IKBIP: variants seen among roughly 807,000 people sequenced by gnomAD.
The protein encoded by IKBIP is IKBKB interacting protein, also known as inhibitor of nuclear factor kappa-B kinase-interacting protein.
A neutral mutation model predicts 31.0 loss-of-function variants in IKBIP; 28 were observed. The observed-to-expected ratio is 0.90, with a 90% confidence interval of 0.67 to 1.24. The LOEUF (loss-of-function observed/expected upper bound fraction) is 1.24, where lower values mean the gene tolerates loss of function less well. Ranked by LOEUF, IKBIP falls within the 50% of genes most tolerant of loss-of-function variation. The pLI is 0.00. For missense variants in IKBIP, 453 were observed against 441.9 expected, an observed-to-expected ratio of 1.03 and a Z score of -0.23; for synonymous variants, 164 against 160.3, an observed-to-expected ratio of 1.02 and a Z score of -0.17.
chr12:98,620,783 C>T (rs536694032), downstream of IKBIP, among the ~76,000 whole-genome samples: 79 of 149,532 alleles, frequency 5.3e-4, no homozygotes, highest in Non-Finnish European at 6.2e-4. Context: ...AGGCCAAGGA[C>T]GGAGGATCCG....
At chr12:98,620,831 G>A (rs1470604705), downstream of IKBIP, among the ~76,000 whole-genome samples, 2 of 152,026 alleles carry the variant, frequency 1.3e-5, no homozygotes, top group Non-Finnish European at 2.9e-5. Flanking sequence ...GGGCAACATA[G>A]AGAGACCCTC....
chr12:98,614,697 C>G (rs999654041), intron 2 of IKBIP, among the ~76,000 whole-genome samples: 1 of 152,150 alleles, frequency 6.6e-6, no homozygotes, highest in Non-Finnish European at 1.5e-5. Context: ...AAATCCATGC[C>G]TGGGATTACA....
chr12:98,629,572 T>C (rs957826248), intron 2 of IKBIP, among the ~76,000 whole-genome samples: 3 of 151,644 alleles, frequency 2.0e-5, no homozygotes, highest in East Asian at 1.9e-4. Context: ...CATACATACA[T>C]ACACACACAC....
chr12:98,633,674 C>A (rs184744520), intron 2 of IKBIP, among the ~76,000 whole-genome samples: 1 of 151,848 alleles, frequency 6.6e-6, no homozygotes, highest in African/African-American at 2.4e-5. Flanking sequence ...GTGCACCACG[C>A]CCAGCTAATT....
rs1593005821 is a variant in IKBIP at position 98,644,784 on chromosome 12, A to T, written c.-83T>A. The T allele has an allele frequency of 8.7e-6, 13 of 1,486,170 alleles. No homozygotes were observed. The East Asian group carries it at 3.1e-4, about 35-fold the overall frequency. 92.1% of individuals were successfully genotyped at this position (1,486,170 alleles called of 1,614,324 possible). A position where few individuals can be genotyped will look rare whatever the true frequency, so the allele number is the denominator to read the frequency against. ...CGTGGCCGCCTTGGCGTTCGTGGGA[A>T]CCCTGGGCGGTGACCGCGCCCCCTC... On this transcript the variant is annotated 5_prime_UTR_variant, in exon 1 of 3. Transcript: ENST00000299157.
rs76233615 is a variant in IKBIP at position 98,617,899 on chromosome 12, A to G, written c.298-3559T>C. ...TTTTCTAGGAAAGTACTATGTTGTA[A>G]AGTAGGAAATTATAACTTTCTATTA... is the stretch of plus-strand genomic sequence containing the variant. On this transcript the variant is annotated intron_variant, in intron 2 of 2. Coordinates refer to the IKBIP transcript ENST00000342502. 7.9e-3 allele frequency among the ~76,000 whole-genome samples: 1,200 copies of G among 152,300 alleles called. 23 individuals carry two copies. The highest frequency in any genetic ancestry group is 0.027 in the African/African-American group (1,132 of 41,556).
chr12:98,632,525 A>ATG (rs1475565132), intron 2 of IKBIP, among the ~76,000 whole-genome samples: 2 of 70,920 alleles, frequency 2.8e-5, no homozygotes, highest in Non-Finnish European at 5.7e-5. Flanking sequence ...ATATATATAT[A>ATG]TATATATATA....
rs1057468596 is a variant in IKBIP, at chr12:98,644,659, C to A, written c.43G>T (p.Ala15Ser). 3 of 1,611,032 alleles carry A rather than the reference C, an allele frequency of 1.9e-6. No homozygotes were observed. Among genetic ancestry groups the A allele is most frequent in the African/African-American group, 1.3e-5 (1 of 74,688 alleles). The change falls in exon 1 of 3, where the codon GCC becomes TCC. Residue 15 changes from alanine to serine, a missense_variant. Coordinates refer to ENST00000299157, the MANE Select transcript of IKBIP (RefSeq NM_153687.4). ...CGCTTCCCGGGCTCCGCAGCAGGGG[C>A]TCCCTTGGGCCCCGACTTCTTCCGG... ...KSRKKSGPKG[A>S]PAAEPGKRSE...
In IKBIP at chr12:98,624,778, T is replaced by C; in HGVS notation, c.*1152A>G. On this transcript the variant is annotated 3_prime_UTR_variant, in exon 3 of 3. Transcript: ENST00000299157. ...TTATCAGAGTTATGTTACTTTTCCC[T>C]CAAAACAGGCCACAGGCTTATTTTT... 1.1e-6 allele frequency: 1 copy of C among 875,190 alleles called. No individual in the cohort carries two copies. Among genetic ancestry groups the C allele is most frequent in the Non-Finnish European group, 1.4e-6 (1 of 729,698 alleles). 54.2% of individuals were successfully genotyped at this position (875,190 alleles called of 1,614,324 possible). A position where few individuals can be genotyped will look rare whatever the true frequency, so the allele number is the denominator to read the frequency against.
At chr12:98,628,359 C>G (rs76535310) in intron 2 of IKBIP, among the ~76,000 whole-genome samples, 9 of 152,232 alleles carry the variant, frequency 5.9e-5, no homozygotes, top group Non-Finnish European at 1.0e-4. Context: ...TACTACTAGA[C>G]TAAGCTTTTA....
At chr12:98,619,379 C>T (rs2097608303), downstream of IKBIP, among the ~76,000 whole-genome samples, 1 of 149,404 alleles carries the variant, frequency 6.7e-6, no homozygotes, top group Admixed American at 6.7e-5. Flanking sequence ...TTAGCTTATT[C>T]TTAGAAGGAT....
chr12:98,641,242 T>C (rs938955355), intron 1 of IKBIP, among the ~76,000 whole-genome samples: 2 of 152,100 alleles, frequency 1.3e-5, no homozygotes, highest in Non-Finnish European at 2.9e-5. Context: ...CTTAATCAGA[T>C]GAAGAGTGAG....
intron 2 of IKBIP, among the ~76,000 whole-genome samples, chr12:98,617,141 T>C (rs1056117346): frequency 6.6e-6 from 1 of 152,238 alleles, no homozygotes; most frequent in African/African-American, 2.4e-5. Flanking sequence ...TTGTTAGGCA[T>C]GCAAAATATG....
At chr12:98,630,332 C>G (rs2097618765) in intron 2 of IKBIP, among the ~76,000 whole-genome samples, 1 of 124,078 alleles carries the variant, frequency 8.1e-6, no homozygotes, top group Admixed American at 1.1e-4. Flanking sequence ...TTGCAGTGAC[C>G]AGATCTCCCC....
In IKBIP at chr12:98,613,986, G is replaced by GA. The variant is rs1258591630; in HGVS notation, c.651dup (p.Leu218SerfsTer6). The GA allele has an allele frequency of 3.1e-6, 5 of 1,611,050 alleles. No homozygotes were observed. Among genetic ancestry groups the GA allele is most frequent in the Non-Finnish European group, 4.2e-6 (5 of 1,178,996 alleles). On this transcript the variant is annotated frameshift_variant, in exon 3 of 3. Coordinates refer to the IKBIP transcript ENST00000342502. LOFTEE classifies it high-confidence loss of function. ...GCTGTTCGATCAATACTGCTTGAAA[G>GA]AAGATCACCTATATTTTTTACTGTA...
chr12:98,613,676 A>T (rs2097604539), exon 3 of IKBIP: 1 of 1,603,170 alleles, frequency 6.2e-7, no homozygotes, highest in African/African-American at 1.3e-5. Flanking sequence ...TTCACTTAAG[A>T]AAGCAATTTC....
At chr12:98,614,362 C>T in intron 2 of IKBIP, 2 of 1,313,796 alleles carry the variant, frequency 1.5e-6, no homozygotes, top group African/African-American at 1.5e-5. Flanking sequence ...TATAATATCA[C>T]AATGATTAAA....
Position 98,626,633 on chromosome 12 carries a change from CT to C in IKBIP, c.430del (p.Arg144GlyfsTer20). The C allele has an allele frequency of 6.2e-7, 1 of 1,613,942 alleles. No homozygotes were observed. Among genetic ancestry groups the C allele is most frequent in the Non-Finnish European group, 8.5e-7 (1 of 1,180,022 alleles). ...AAATTTCTCATTAAGGCTTTGCATC[CT>C]TTGAGTGAGCACCTCTTCATTATTT... Reference protein sequence around the residue: ...IQNNEEVLTQRMQSLNEKFQN... With the variant: ...IQNNEEVLTQXMQSLNEKFQN... On this transcript the variant is annotated frameshift_variant, in exon 3 of 3. Coordinates refer to ENST00000299157, the MANE Select transcript of IKBIP (RefSeq NM_153687.4). LOFTEE classifies it high-confidence loss of function.
intron 2 of IKBIP, among the ~76,000 whole-genome samples, chr12:98,618,211 AAAAC>A (rs1193440714): frequency 6.6e-6 from 1 of 152,162 alleles, no homozygotes; most frequent in African/African-American, 2.4e-5. Context: ...AAAATTTATA[AAAAC>A]AAATAGACTG....
Sources: allele counts gnomAD v4.1 joint callset (sites outside exome capture counted in the v4.1 genomes callset), GRCh38; gene constraint gnomAD v4.1.1; transcripts MANE v1.5; gene names NCBI Gene and HGNC (gene_info 2026-07-23, HGNC 2026-07-21).